Variants in FBXL17 observed in about 807,000 individuals in gnomAD.
FBXL17 encodes F-box/LRR-repeat protein 17.
FBXL17 carries 22 observed loss-of-function variants against 66.2 expected under a neutral mutation model. The observed-to-expected ratio is 0.33, with a 90% CI of 0.24 to 0.47. The LOEUF (loss-of-function observed/expected upper bound fraction) is 0.47, where lower values mean the gene tolerates loss of function less well. FBXL17 is among the 20% of genes least tolerant of loss of function. FBXL17 has a pLI of 1.00. For missense variants in FBXL17, 878 were observed against 948.2 expected (o/e 0.93, Z 0.97); for synonymous variants, 474 against 400.5 (o/e 1.18, Z -2.19).
intron 4 of FBXL17, among the ~76,000 whole-genome samples, chr5:108,296,885 CA>C (rs1325160862): frequency 5.3e-5 from 8 of 151,300 alleles, no homozygotes; most frequent in Non-Finnish European, 1.5e-5. Context: ...ATATTAATAA[CA>C]AAAATGGTAA....
chr5:108,037,060 A>T (rs1329114904), intron 6 of FBXL17, among the ~76,000 whole-genome samples: 5 of 152,276 alleles, frequency 3.3e-5, no homozygotes, highest in Admixed American at 2.0e-4. Flanking sequence ...AATATAAATA[A>T]TAAGGTAAGA....
intron 6 of FBXL17, among the ~76,000 whole-genome samples, chr5:108,099,809 G>A (rs1312371793): frequency 6.6e-6 from 1 of 152,190 alleles, no homozygotes; most frequent in Non-Finnish European, 1.5e-5. Flanking sequence ...GTTTGAGGAT[G>A]GCATATTCTT....
At chr5:107,985,281 T>C (rs946157199) in intron 7 of FBXL17, among the ~76,000 whole-genome samples, 2 of 152,196 alleles carry the variant, frequency 1.3e-5, no homozygotes, top group African/African-American at 4.8e-5. Context: ...CTATTTCAGT[T>C]TTTGAAAGAA....
At chr5:108,278,696 T>G (rs1849011) in intron 4 of FBXL17, among the ~76,000 whole-genome samples, 84,102 of 152,076 alleles carry the variant, frequency 0.55, 23,482 homozygotes, top group East Asian at 0.76. Flanking sequence ...TAAGTGGGAC[T>G]CAAGGCCTTG....
At chr5:108,235,566 T>C (rs1755563789) in intron 4 of FBXL17, among the ~76,000 whole-genome samples, 1 of 152,226 alleles carries the variant, frequency 6.6e-6, no homozygotes, top group Non-Finnish European at 1.5e-5. Context: ...GTCAGAGTGA[T>C]CTTTCAAGAA....
chr5:107,875,695 A>G (rs1748598510), intron 8 of FBXL17, among the ~76,000 whole-genome samples: 1 of 152,254 alleles, frequency 6.6e-6, no homozygotes, highest in South Asian at 2.1e-4. Flanking sequence ...TATGTCCTGT[A>G]GAATACAGCA....
intron 6 of FBXL17, among the ~76,000 whole-genome samples, chr5:108,112,023 T>C (rs1319283374): frequency 6.6e-6 from 1 of 152,158 alleles, no homozygotes; most frequent in African/African-American, 2.4e-5. Flanking sequence ...AGTTTCTGGA[T>C]GCGGCAAGGG....
intron 4 of FBXL17, among the ~76,000 whole-genome samples, chr5:108,306,507 A>G (rs1325639762): frequency 6.6e-6 from 1 of 152,138 alleles, no homozygotes; most frequent in East Asian, 1.9e-4. Context: ...CATCTGGAAA[A>G]TGGAGTAACT....
At chr5:108,250,156 G>A (rs114121871) in intron 4 of FBXL17, among the ~76,000 whole-genome samples, 1,862 of 152,114 alleles carry the variant, frequency 0.012, 28 homozygotes, top group Non-Finnish European at 0.017. Flanking sequence ...TTTCCTTTTA[G>A]AAAGAATGCA....
At chr5:107,980,814 G>A (rs1752793879) in intron 7 of FBXL17, among the ~76,000 whole-genome samples, 4 of 148,510 alleles carry the variant, frequency 2.7e-5, no homozygotes, top group South Asian at 4.3e-4. Flanking sequence ...CCACCACCAC[G>A]CCTGGCTAAT....
chr5:108,196,664 A>C (rs1753692588), intron 5 of FBXL17, among the ~76,000 whole-genome samples: 1 of 152,198 alleles, frequency 6.6e-6, no homozygotes, highest in South Asian at 2.1e-4. Flanking sequence ...TTATTTATTT[A>C]AGTTTCCAGA....
At chr5:108,160,310 G>C (rs1752160851) in intron 6 of FBXL17, among the ~76,000 whole-genome samples, 1 of 152,180 alleles carries the variant, frequency 6.6e-6, no homozygotes, top group Non-Finnish European at 1.5e-5. Context: ...CTGATGAACA[G>C]CATTAAATTG....
At chr5:107,989,547 C>T (rs1169641016) in intron 7 of FBXL17, among the ~76,000 whole-genome samples, 1 of 152,058 alleles carries the variant, frequency 6.6e-6, no homozygotes, top group Non-Finnish European at 1.5e-5. Flanking sequence ...TGTTGATGGA[C>T]ACAGGTTAAT....
intron 7 of FBXL17, among the ~76,000 whole-genome samples, chr5:107,980,450 T>C (rs1752763061): frequency 6.7e-6 from 1 of 149,450 alleles, no homozygotes; most frequent in Non-Finnish European, 1.5e-5. Context: ...TCAAGCAATC[T>C]TCCCACCACA....
chr5:107,928,543 C>A (rs370493876), intron 7 of FBXL17, among the ~76,000 whole-genome samples: 16 of 151,714 alleles, frequency 1.1e-4, no homozygotes, highest in African/African-American at 3.9e-4. Flanking sequence ...AGAAACTCAA[C>A]CTGGTAATAT....
At chr5:108,373,237 T>TATATATCTAAATATATTAATATAAATATA (rs1749165958) in intron 1 of FBXL17, among the ~76,000 whole-genome samples, 11 of 136,292 alleles carry the variant, frequency 8.1e-5, no homozygotes, top group Middle Eastern at 3.6e-3. Context: ...ATAAATATAA[T>TATATATCTAAATATATTAATATAAATATA]ATATATCTAA....
At chr5:107,946,789 G>C (rs1037206432) in intron 7 of FBXL17, among the ~76,000 whole-genome samples, 10 of 151,936 alleles carry the variant, frequency 6.6e-5, no homozygotes, top group Admixed American at 4.6e-4. Context: ...AAAATAAAAA[G>C]AAATGAGAAT....
chr5:108,194,091 T>A (rs1349273196), intron 5 of FBXL17, among the ~76,000 whole-genome samples: 1 of 152,096 alleles, frequency 6.6e-6, no homozygotes, highest in Non-Finnish European at 1.5e-5. Context: ...AAAATATTTC[T>A]GCTGCAAAAA....
intron 7 of FBXL17, among the ~76,000 whole-genome samples, chr5:108,018,393 G>A (rs1754464127): frequency 6.6e-6 from 1 of 152,140 alleles, no homozygotes; most frequent in African/African-American, 2.4e-5. Flanking sequence ...ATAACATGCT[G>A]TTTCTCTGGT....
Sources: allele counts gnomAD v4.1 joint callset (sites outside exome capture counted in the v4.1 genomes callset), GRCh38; gene constraint gnomAD v4.1.1; transcripts MANE v1.5; gene names NCBI Gene and HGNC (gene_info 2026-07-23, HGNC 2026-07-21).